Variants in SCUBE2 observed in about 807,000 individuals in gnomAD.
SCUBE2 encodes the protein signal peptide, CUB and EGF-like domain-containing protein 2.
A neutral mutation model predicts 125.9 loss-of-function variants in SCUBE2; 114 were observed. The observed-to-expected ratio is 0.91, with a 90% confidence interval of 0.78 to 1.06. SCUBE2 has a LOEUF of 1.06. Ranked by LOEUF, SCUBE2 falls within the 50% of genes least tolerant of loss-of-function variation. The pLI, the probability that SCUBE2 is intolerant of heterozygous loss-of-function variation, is 0.00. For synonymous variants in SCUBE2, 459 were observed against 492.9 expected, an observed-to-expected ratio of 0.93 and a Z score of 0.91; for missense variants, 1,255 against 1,301.8, an observed-to-expected ratio of 0.96 and a Z score of 0.55.
At chr11:9,052,145 T>G (rs991984145) in intron 13 of SCUBE2, among the ~76,000 whole-genome samples, 1 of 152,208 alleles carries the variant, frequency 6.6e-6, no homozygotes, top group African/African-American at 2.4e-5. Context: ...CTGGCATATT[T>G]GAATTGCTCA....
chr11:9,030,074 G>GA (rs756051585), intron 18 of SCUBE2, 29 bp from the exon 19 acceptor site: 47 of 1,586,626 alleles, frequency 3.0e-5, no homozygotes, highest in Admixed American at 2.9e-4. Context: ...TGAAAAGAAT[G>GA]AAAAAAAGAA....
At chr11:9,030,682 T>C (rs770828638) in intron 18 of SCUBE2, 76 bp downstream of exon 18, 1 of 1,455,938 alleles carries the variant, frequency 6.9e-7, no homozygotes, top group Non-Finnish European at 9.4e-7. Flanking sequence ...TGGGCTTGAC[T>C]GGAGCCTCAC....
At position 9,066,729 on chromosome 11, in the gene SCUBE2, T is replaced by G. The variant is rs746596735; in HGVS notation, c.728A>C (p.Tyr243Ser). 3 of 1,614,152 alleles carry G rather than the reference T, an allele frequency of 1.9e-6. No homozygotes were observed. The highest frequency in any genetic ancestry group is 2.2e-5 in the South Asian group (2 of 91,074). Residue 243 changes from tyrosine (Y) to serine (S), a missense_variant, in exon 6 of 23, where the codon TAC (tyrosine) becomes TCC (serine). This residue lies in a region of SCUBE2 where 362 missense variants were observed against 323.0 expected (regional missense o/e 1.12). Coordinates refer to ENST00000649792, the MANE Select transcript of SCUBE2 (RefSeq NM_001367977.2). ...GCTCCTCCCATCTGTGTGCATCTTG[T>G]ACTGTGGATGGCAGCTGCACTCTGG... is the stretch of plus-strand genomic sequence containing the variant. ...DGPECSCHPQ[Y>S]KMHTDGRSCL... is the part of the protein sequence containing the mutation.
intron 21 of SCUBE2, among the ~76,000 whole-genome samples, chr11:9,025,032 C>G (rs1379047769): frequency 6.6e-6 from 1 of 152,192 alleles, no homozygotes; most frequent in Non-Finnish European, 1.5e-5. Flanking sequence ...CTGTGTAGTC[C>G]TCCAGGACAA....
In SCUBE2 at chr11:9,066,770, G is replaced by A. The variant is rs141988057; in HGVS notation, c.687C>T (p.Asp229=). The A allele has an allele frequency of 3.1e-5, 50 of 1,614,120 alleles. No homozygotes were observed. The highest frequency in any genetic ancestry group is 2.7e-4 in the African/African-American group (20 of 75,040). The change falls in exon 6 of 23, where the codon GAC becomes GAT. Residue 229 remains aspartate, a synonymous_variant. Coordinates refer to ENST00000649792, the MANE Select transcript of SCUBE2 (RefSeq NM_001367977.2). ...TGCACTCTGGGCCATCGGCTGTATC[G>A]TCACAGGAGTGCTGGCACCCACCGT... is the stretch of plus-strand genomic sequence containing the variant. ...HGNGGCQHSC[D]DTADGPECSC...
intron 9 of SCUBE2, among the ~76,000 whole-genome samples, chr11:9,058,330 G>T (rs1242855456): frequency 6.6e-6 from 1 of 152,058 alleles, no homozygotes; most frequent in Admixed American, 6.5e-5. Flanking sequence ...AGGCGCAGTG[G>T]CTCACACCTG....
At chr11:9,080,966 A>C (rs1197076537) in intron 2 of SCUBE2, among the ~76,000 whole-genome samples, 2 of 152,242 alleles carry the variant, frequency 1.3e-5, no homozygotes, top group Admixed American at 6.5e-5. Flanking sequence ...ATGATATGCA[A>C]ATGACCAACA....
In SCUBE2 at chr11:9,091,187, G is replaced by A. The variant is rs902273311; in HGVS notation, c.133+209C>T. The stretch of plus-strand genomic sequence containing the variant: ...GGGAACCGTCAGCAGCTCCGGGTCC[G>A]AGGCCGGGCCGAAGGACTCAGGGCC... On this transcript the variant is annotated intron_variant, in intron 1 of 22. Transcript: ENST00000649792. The surrounding 1 kb of genome is among the most constrained non-coding windows in gnomAD (Gnocchi z 8.5). Among the ~76,000 whole-genome samples, 7 of 152,136 alleles carry A rather than the reference G, an allele frequency of 4.6e-5. No individual in the cohort carries two copies. The highest frequency in any genetic ancestry group is 1.7e-4 in the African/African-American group (7 of 41,448).
intron 14 of SCUBE2, chr11:9,050,030 A>G (rs948979431): frequency 6.6e-5 from 10 of 152,248 alleles, no homozygotes; most frequent in Admixed American, 3.3e-4. Flanking sequence ...TTTCCAAAAG[A>G]ATTCTATAAA....
chr11:9,037,436 T>C (rs1856835761), intron 16 of SCUBE2, among the ~76,000 whole-genome samples: 1 of 152,198 alleles, frequency 6.6e-6, no homozygotes, highest in Admixed American at 6.5e-5. Context: ...TCCGCCTCTT[T>C]TCAGCACTGT....
intron 8 of SCUBE2, chr11:9,059,752 T>C (rs117920820): frequency 0.024 from 6,270 of 260,536 alleles, 89 homozygotes; most frequent in Non-Finnish European, 0.033. Context: ...AAGATGGGTC[T>C]CTTTAGTACA....
At position 9,031,984 on chromosome 11, in the gene SCUBE2, G is replaced by A. The variant is rs371623836; in HGVS notation, c.2174-1059C>T. On this transcript the variant is annotated intron_variant, in intron 17 of 22. Transcript: ENST00000649792. Reference sequence around the variant, plus strand: ...CACTTGGCTGTGTGACCTTAAAAGAGTCACTGTAGCCTCGTGGAGTTGTAA... The same window carrying A: ...CACTTGGCTGTGTGACCTTAAAAGAATCACTGTAGCCTCGTGGAGTTGTAA... Among the ~76,000 whole-genome samples, 6 of 152,310 alleles carry A rather than the reference G, an allele frequency of 3.9e-5. No individual in the cohort carries two copies. In the East Asian group the frequency reaches 9.6e-4, roughly 24 times the overall value.
rs1859426521 is a variant in SCUBE2 at position 9,059,285 on chromosome 11, T to A, written c.1090+18A>T. On this transcript the variant is annotated intron_variant, in intron 9 of 22. Transcript: ENST00000649792. ...CCTGTGGGCCATTGCGCAGCACAGC[T>A]ATGTTTTCAGCACATACCTTGGCAA... 6.2e-7 allele frequency: 1 copy of A among 1,613,068 alleles called. No individual in the cohort carries two copies. Among genetic ancestry groups the A allele is most frequent in the Admixed American group, 1.7e-5 (1 of 59,996 alleles).
At chr11:9,050,493 T>G in intron 14 of SCUBE2, 113 bp downstream of exon 14, 1 of 771,120 alleles carries the variant, frequency 1.3e-6, no homozygotes, top group Non-Finnish European at 2.3e-6. Flanking sequence ...CCATCTGCAG[T>G]GTGCTTGGAT....
intron 8 of SCUBE2, 90 bp from the exon 9 acceptor site, chr11:9,059,515 T>G (rs1859453110): frequency 1.4e-6 from 2 of 1,430,812 alleles, no homozygotes; most frequent in Non-Finnish European, 1.9e-6. Flanking sequence ...TGTTCATTAG[T>G]CTCTGAAATT....
chr11:9,087,035 T>G (rs1022017027), intron 2 of SCUBE2, among the ~76,000 whole-genome samples: 7 of 152,116 alleles, frequency 4.6e-5, no homozygotes, highest in African/African-American at 1.7e-4. Flanking sequence ...ATTTTTTATT[T>G]TACACATTTT....
intron 14 of SCUBE2, 127 bp from the exon 15 acceptor site, chr11:9,048,225 C>T: frequency 1.2e-6 from 1 of 836,368 alleles, no homozygotes; most frequent in Admixed American, 2.5e-5. Flanking sequence ...CTCCAGATGC[C>T]AAGACACTGC....
Position 9,055,849 on chromosome 11 carries a change from G to C in SCUBE2, c.1151C>G (p.Thr384Arg). ...CDHSCINHPG[T>R]FACACNRGYT... is the part of the protein sequence containing the mutation. ...CCCTCGGTTGCAAGCACAAGCAAAT[G>C]TGCCAGGGTGGTTGATGCAGCTGTG... The change falls in exon 10 of 23, where the codon ACA becomes AGA. Residue 384 changes from threonine (T) to arginine (R), a missense_variant. Around this residue, in one of 3 missense-constraint regions of SCUBE2, gnomAD observed 378 missense variants for 463.1 expected, o/e 0.82. Coordinates refer to ENST00000649792, the MANE Select transcript of SCUBE2 (RefSeq NM_001367977.2). 6.2e-7 allele frequency: 1 copy of C among 1,614,194 alleles called. No homozygotes were observed. The highest frequency in any genetic ancestry group is 1.7e-4 in the Middle Eastern group (1 of 6,060).
intron 16 of SCUBE2, among the ~76,000 whole-genome samples, chr11:9,045,139 C>G (rs985792099): frequency 6.6e-6 from 1 of 152,090 alleles, no homozygotes; most frequent in Non-Finnish European, 1.5e-5. Flanking sequence ...TTCCTGATAT[C>G]TAGAATGGTA....
Sources: gnomAD v4.1 joint callset for allele counts (sites outside exome capture counted in the v4.1 genomes callset) on GRCh38, gnomAD v4.1.1 for gene constraint, gnomAD v4.1.1 regional missense constraint, Gnocchi (gnomAD v3.1) non-coding constraint, MANE v1.5 for transcripts, NCBI Gene and HGNC (gene_info 2026-07-23, HGNC 2026-07-21) for gene names.